The following SAP130 variants were observed in gnomAD, a reference collection of about 807,000 sequenced individuals.
SAP130 encodes histone deacetylase complex subunit SAP130.
In SAP130, 16 loss-of-function variants were observed where a neutral mutation model predicts 103.2. The observed-to-expected ratio is 0.16, with a 90% confidence interval of 0.10 to 0.24. The LOEUF is 0.24. Among genes scored for constraint, SAP130 ranks in the 10% least tolerant of loss-of-function variants. The probability of loss-of-function intolerance (pLI) is 1.00; values close to 1 mark genes in which losing one functional copy is unlikely to be tolerated. For missense variants in SAP130, 990 were observed against 1,359.7 expected, an observed-to-expected ratio of 0.73 and a Z score of 4.28; for synonymous variants, 477 against 497.0, an observed-to-expected ratio of 0.96 and a Z score of 0.53.
chr2:127,963,178 T>C (rs370078247), intron 15 of SAP130, among the ~76,000 whole-genome samples: 46 of 152,156 alleles, frequency 3.0e-4, no homozygotes, highest in East Asian at 2.1e-3. Flanking sequence ...GCTTATCAAG[T>C]TTTTTCTTGA....
Position 127,989,715 on chromosome 2 carries a change from C to G in SAP130, c.1629G>C (p.Gln543His), listed in dbSNP as rs773052402. Reference protein sequence around the residue: ...QGIQPAPISTQGIQPAPIGTP... With the variant: ...QGIQPAPISTHGIQPAPIGTP... ...TCCCAATGGGGGCCGGCTGGATACC[C>G]TGGGTACTGATGGGTGCTGGCTGGA... Residue 543 changes from glutamine (Q) to histidine (H), a missense_variant, in exon 13 of 21, where the codon CAG becomes CAC. Physicochemically the swap from Gln to His is conservative, Grantham distance 24 (BLOSUM62 0). Around this residue, in one of 6 missense-constraint regions of SAP130, gnomAD observed 336 missense variants for 520.1 expected, o/e 0.65. Coordinates refer to ENST00000643581, the MANE Select transcript of SAP130 (RefSeq NM_001330301.2). The surrounding 1 kb of genome is among the most constrained non-coding windows in gnomAD (Gnocchi z 4.6). 10 of 1,614,000 alleles carry G rather than the reference C, an allele frequency of 6.2e-6. No individual in the cohort carries two copies. Among genetic ancestry groups the G allele is most frequent in the Non-Finnish European group, 8.5e-6 (10 of 1,180,044 alleles).
chr2:127,949,426 T>C (rs1679340219), intron 18 of SAP130, among the ~76,000 whole-genome samples: 2 of 152,214 alleles, frequency 1.3e-5, no homozygotes, highest in African/African-American at 4.8e-5. Flanking sequence ...TCCAAGAGCG[T>C]TGCATATTTG....
Position 127,999,778 on chromosome 2 carries a change from G to A in SAP130, c.1176C>T (p.Ser392=). 6.5e-7 allele frequency: 1 copy of A among 1,532,222 alleles called. No individual in the cohort carries two copies. The highest frequency in any genetic ancestry group is 8.7e-7 in the Non-Finnish European group (1 of 1,142,970). 94.9% of individuals were successfully genotyped at this position (1,532,222 alleles called of 1,614,324 possible). A position where few individuals can be genotyped will look rare whatever the true frequency, so the allele number is the denominator to read the frequency against. The change falls in exon 10 of 21, where the codon TCC becomes TCT. Residue 392 remains serine, a synonymous_variant. Transcript: ENST00000643581. The part of the protein sequence containing the change: ...IVTMTVPSHS[S]HATAVTTSNI... ...TTGAGGTGGTCACAGCAGTAGCATG[G>A]GAGGAATGGGAGGGTACTGTCATGG...
At chr2:127,951,323 AC>A (rs1430288131) in intron 16 of SAP130, among the ~76,000 whole-genome samples, 6 of 152,172 alleles carry the variant, frequency 3.9e-5, no homozygotes, top group Non-Finnish European at 7.3e-5. Context: ...TTTTCACTCT[AC>A]CACATACTTG....
At chr2:127,984,834 G>A (rs559467066) in intron 14 of SAP130, among the ~76,000 whole-genome samples, 7 of 152,310 alleles carry the variant, frequency 4.6e-5, no homozygotes, top group African/African-American at 7.2e-5. Context: ...TGCTAAAGTC[G>A]GGAAGGGGCA....
chr2:127,945,626 G>A, intron 18 of SAP130, 67 bp from the exon 19 acceptor site: 1 of 997,950 alleles, frequency 1.0e-6, no homozygotes. Context: ...TTGTGTTCGA[G>A]CAGTGTAAAT....
intron 1 of SAP130, chr2:128,027,167 G>T: frequency 7.8e-7 from 1 of 1,276,250 alleles, no homozygotes; most frequent in South Asian, 2.9e-5. Flanking sequence ...GGCCCATCTC[G>T]GCGGCGGCGA....
intron 1 of SAP130, among the ~76,000 whole-genome samples, 188 bp downstream of exon 1, chr2:128,027,752 A>G (rs1466983736): frequency 6.7e-6 from 1 of 150,036 alleles, no homozygotes; most frequent in Non-Finnish European, 1.5e-5. Flanking sequence ...GCCACAGGAC[A>G]CCCAGCCCCT....
intron 2 of SAP130, among the ~76,000 whole-genome samples, chr2:128,020,037 T>C (rs1177194769): frequency 6.6e-6 from 1 of 152,218 alleles, no homozygotes; most frequent in African/African-American, 2.4e-5. Context: ...GAATTTAAAT[T>C]ATTTGGAGTA....
intron 4 of SAP130, 95 bp downstream of exon 4, chr2:128,016,294 A>T: frequency 2.3e-6 from 3 of 1,291,028 alleles, no homozygotes; most frequent in South Asian, 2.8e-5. Flanking sequence ...ATCTTTTTTT[A>T]TTACCGTGAC....
intron 15 of SAP130, among the ~76,000 whole-genome samples, chr2:127,970,876 C>G (rs1322459805): frequency 6.6e-6 from 1 of 152,124 alleles, no homozygotes; most frequent in East Asian, 1.9e-4. Flanking sequence ...AACAAAGTCA[C>G]TGACATGACA....
chr2:127,959,359 T>C (rs1481281362), intron 15 of SAP130, among the ~76,000 whole-genome samples: 1 of 152,134 alleles, frequency 6.6e-6, no homozygotes, highest in African/African-American at 2.4e-5. Flanking sequence ...CTGTAGACAA[T>C]AATTGCTATA....
intron 15 of SAP130, among the ~76,000 whole-genome samples, chr2:127,961,754 G>A (rs1035629296): frequency 1.3e-5 from 2 of 152,064 alleles, no homozygotes; most frequent in African/African-American, 2.4e-5. Context: ...CACAGTGGAC[G>A]AACCACTTGC....
At position 127,989,658 on chromosome 2, in the gene SAP130, T is replaced by A. The variant is rs1464468927; in HGVS notation, c.1686A>T (p.Thr562=). 1.2e-6 allele frequency: 2 copies of A among 1,614,032 alleles called. No individual in the cohort carries two copies. Among genetic ancestry groups the A allele is most frequent in the Admixed American group, 3.3e-5 (2 of 59,996 alleles). The change falls in exon 13 of 21, where the codon ACA becomes ACT. Residue 562 remains threonine, a synonymous_variant. Coordinates refer to ENST00000643581, the MANE Select transcript of SAP130 (RefSeq NM_001330301.2). This position sits in a 1 kb window ranked among gnomAD's most constrained non-coding sequence, Gnocchi z 4.6. The stretch of plus-strand genomic sequence containing the variant: ...TTGGGGTTGCTGAGTGAATTCCCTG[T>A]GTGCCAAGTGGTGCAGGCTGTATCC... The part of the protein sequence containing the change: ...TPGIQPAPLG[T]QGIHSATPIN...
chr2:127,959,049 AC>A (rs1404626282), intron 15 of SAP130, among the ~76,000 whole-genome samples: 1 of 152,192 alleles, frequency 6.6e-6, no homozygotes, highest in African/African-American at 2.4e-5. Flanking sequence ...GAGTAGACAT[AC>A]TTTTTCCTAT....
At chr2:128,014,317 C>T (rs936154986) in intron 5 of SAP130, among the ~76,000 whole-genome samples, 2 of 152,044 alleles carry the variant, frequency 1.3e-5, no homozygotes, top group African/African-American at 2.4e-5. Context: ...CTCTGCCTCC[C>T]GAGCTCAAGC....
chr2:127,987,594 C>A (rs1682491245), intron 13 of SAP130, among the ~76,000 whole-genome samples: 1 of 151,996 alleles, frequency 6.6e-6, no homozygotes, highest in South Asian at 2.1e-4. Flanking sequence ...AGTTACTTTA[C>A]ATTTTTTACT....
chr2:127,977,568 T>C (rs1453256719), intron 15 of SAP130, among the ~76,000 whole-genome samples: 1 of 152,166 alleles, frequency 6.6e-6, no homozygotes, highest in Non-Finnish European at 1.5e-5. Context: ...ACTGGGTGTT[T>C]GCTATAAGGC....
chr2:127,985,120 T>C (rs1329905411), intron 14 of SAP130, among the ~76,000 whole-genome samples: 1 of 152,248 alleles, frequency 6.6e-6, no homozygotes, highest in African/African-American at 2.4e-5. Context: ...TGTCCTCTCC[T>C]GTTCTCCCCA....
Sources: gnomAD v4.1 joint callset for allele counts (sites outside exome capture counted in the v4.1 genomes callset) on GRCh38, gnomAD v4.1.1 for gene constraint, gnomAD v4.1.1 regional missense constraint, Gnocchi (gnomAD v3.1) non-coding constraint, MANE v1.5 for transcripts, NCBI Gene and HGNC (gene_info 2026-07-23, HGNC 2026-07-21) for gene names.